The following TSPEAR variants were observed in gnomAD, a reference collection of about 807,000 sequenced individuals.
TSPEAR encodes thrombospondin type laminin G domain and EAR repeats.
In TSPEAR, 69 loss-of-function variants were observed where a neutral mutation model predicts 71.6. The observed-to-expected ratio is 0.96, with a 90% CI of 0.79 to 1.18. The LOEUF is 1.18. TSPEAR is among the 50% of genes most tolerant of loss of function. The pLI is 0.00. For missense variants in TSPEAR, 971 were observed against 894.9 expected, an observed-to-expected ratio of 1.09 and a Z score of -1.09; for synonymous variants, 402 against 387.2, an observed-to-expected ratio of 1.04 and a Z score of -0.45.
chr21:44,517,946 T>C (rs587722575), intron 9 of TSPEAR: 7 of 431,524 alleles, frequency 1.6e-5, no homozygotes, highest in South Asian at 1.2e-4. Flanking sequence ...GTCCTCACCC[T>C]CTTCTTTTTT....
intron 1 of TSPEAR, chr21:44,697,075 ACTCC>A (rs1168314846): frequency 3.8e-6 from 5 of 1,331,012 alleles, no homozygotes; most frequent in East Asian, 2.6e-5. Context: ...ACGCTCACTC[ACTCC>A]CTCCCTCCTG....
chr21:44,598,541 A>C (rs1411374308), intron 1 of TSPEAR, among the ~76,000 whole-genome samples: 2 of 152,208 alleles, frequency 1.3e-5, no homozygotes, highest in African/African-American at 4.8e-5. Flanking sequence ...CATAGTTTTT[A>C]CTATCTCTTC....
chr21:44,583,940 C>T (rs1183205850), intron 1 of TSPEAR, among the ~76,000 whole-genome samples: 1 of 152,216 alleles, frequency 6.6e-6, no homozygotes, highest in Non-Finnish European at 1.5e-5. Context: ...CAACTGTCCC[C>T]GTGCTGCACA....
intron 1 of TSPEAR, among the ~76,000 whole-genome samples, chr21:44,648,326 C>T (rs1984562214): frequency 6.6e-6 from 1 of 152,148 alleles, no homozygotes; most frequent in South Asian, 2.1e-4. Context: ...TCAGCACCTC[C>T]TCAGGAGGCT....
intron 1 of TSPEAR, among the ~76,000 whole-genome samples, chr21:44,611,588 A>G (rs1555930936): frequency 6.6e-6 from 1 of 152,200 alleles, no homozygotes; most frequent in Non-Finnish European, 1.5e-5. Flanking sequence ...CAGATGGAAC[A>G]GGTAGGGGTG....
chr21:44,604,206 A>G (rs74603670), intron 1 of TSPEAR, among the ~76,000 whole-genome samples: 6,508 of 152,286 alleles, frequency 0.043, 343 homozygotes, highest in African/African-American at 0.12. Context: ...TTGGATGGCA[A>G]TGTGAGGAGT....
At chr21:44,648,428 A>C (rs1601528021) in intron 1 of TSPEAR, among the ~76,000 whole-genome samples, 1 of 152,134 alleles carries the variant, frequency 6.6e-6, no homozygotes, top group African/African-American at 2.4e-5. Context: ...GGACTCATAA[A>C]TCTCTCAGTC....
chr21:44,573,697 C>T (rs1978294366), intron 1 of TSPEAR: 4 of 1,576,024 alleles, frequency 2.5e-6, no homozygotes, highest in Non-Finnish European at 3.5e-6. Flanking sequence ...GCACCTCACT[C>T]ACTCGCTCAC....
chr21:44,558,152 G>T, intron 2 of TSPEAR: 1 of 1,613,354 alleles, frequency 6.2e-7, no homozygotes, highest in Non-Finnish European at 8.5e-7. Flanking sequence ...CCGGGCGGCA[G>T]CAGCTGGGCT....
intron 1 of TSPEAR, among the ~76,000 whole-genome samples, chr21:44,684,228 G>A (rs1488965091): frequency 5.9e-5 from 9 of 152,190 alleles, no homozygotes; most frequent in Non-Finnish European, 1.0e-4. Flanking sequence ...TATGAAGAAC[G>A]TGCTTAAAGA....
In TSPEAR at chr21:44,710,220, A is replaced by G. The variant is rs1988146700; in HGVS notation, c.82+1213T>C. ...TGCGACAAGCTGACTTGGCTCTCGT[A>G]TTGTTTGCAGAATCACCCAGTTCCA... is the stretch of plus-strand genomic sequence containing the variant. On this transcript the variant is annotated intron_variant, in intron 1 of 11. Transcript: ENST00000323084. The surrounding 1 kb of genome is among the most constrained non-coding windows in gnomAD (Gnocchi z 4.6). 6.6e-6 allele frequency among the ~76,000 whole-genome samples: 1 copy of G among 152,182 alleles called. No homozygotes were observed. Among genetic ancestry groups the G allele is most frequent in the African/African-American group, 2.4e-5 (1 of 41,524 alleles).
chr21:44,554,181 G>T (rs1555919471), intron 2 of TSPEAR, among the ~76,000 whole-genome samples: 1 of 152,188 alleles, frequency 6.6e-6, no homozygotes, highest in Non-Finnish European at 1.5e-5. Context: ...CCTCAAAAAT[G>T]GGATTTGTGC....
chr21:44,706,160 C>T (rs1241420424), intron 1 of TSPEAR, among the ~76,000 whole-genome samples: 6 of 152,344 alleles, frequency 3.9e-5, no homozygotes, highest in Middle Eastern at 3.4e-3. Flanking sequence ...GCCCACCAAC[C>T]GGCGGCCTAG....
intron 9 of TSPEAR, among the ~76,000 whole-genome samples, chr21:44,513,086 A>G (rs1453806616): frequency 6.6e-6 from 1 of 152,238 alleles, no homozygotes; most frequent in Non-Finnish European, 1.5e-5. Flanking sequence ...TTTGGCAAAA[A>G]GAAAAATTAG....
rs781947424 is a variant in TSPEAR, at chr21:44,573,876, C to T, written c.83-5871G>A. On this transcript the variant is annotated intron_variant, in intron 1 of 11. Transcript: ENST00000323084. The stretch of plus-strand genomic sequence containing the variant: ...CTGCCCAGAGAGCTGCTGCGAGCCC[C>T]CCTGCTGCGCCCCCAGCTGCTGCGC... The T allele has an allele frequency of 1.7e-5, 28 of 1,613,352 alleles. No homozygotes were observed. The African/African-American group carries it at 2.1e-4, about 12-fold the overall frequency.
chr21:44,589,429 G>A (rs587766800), intron 1 of TSPEAR, among the ~76,000 whole-genome samples: 1 of 152,326 alleles, frequency 6.6e-6, no homozygotes, highest in Admixed American at 6.5e-5. Flanking sequence ...GTCTCTGGCT[G>A]CTGTCAGTCA....
At chr21:44,653,354 A>G (rs1224976596) in intron 1 of TSPEAR, among the ~76,000 whole-genome samples, 1 of 152,078 alleles carries the variant, frequency 6.6e-6, no homozygotes, top group East Asian at 1.9e-4. Flanking sequence ...CCACCTGCAT[A>G]TGAACTGTGA....
intron 1 of TSPEAR, chr21:44,646,613 G>C: frequency 3.1e-6 from 5 of 1,612,908 alleles, no homozygotes; most frequent in South Asian, 2.2e-5. Context: ...CCAGTGAGCT[G>C]TGTGTCCAGC....
chr21:44,636,903 CAG>C (rs1245115457), intron 1 of TSPEAR, among the ~76,000 whole-genome samples: 2 of 151,272 alleles, frequency 1.3e-5, no homozygotes, highest in Non-Finnish European at 2.9e-5. Flanking sequence ...ATCAGGATCT[CAG>C]AAGATCCCAG....
Sources: allele counts gnomAD v4.1 joint callset (sites outside exome capture counted in the v4.1 genomes callset), GRCh38; gene constraint gnomAD v4.1.1; non-coding constraint Gnocchi (gnomAD v3.1); transcripts MANE v1.5; gene names NCBI Gene and HGNC (gene_info 2026-07-23, HGNC 2026-07-21).